Variants in ZNF414 observed in about 807,000 individuals in gnomAD.
ZNF414 encodes the protein zinc finger protein 414.
Under a neutral mutation model 38.3 loss-of-function variants are expected in ZNF414, and 32 were observed. The observed-to-expected ratio is 0.83, with a 90% CI of 0.63 to 1.12. The LOEUF (loss-of-function observed/expected upper bound fraction) is 1.12, where lower values mean the gene tolerates loss of function less well. ZNF414 is among the 50% of genes most tolerant of loss of function. The probability of loss-of-function intolerance (pLI) is 0.00; values close to 1 mark genes in which losing one functional copy is unlikely to be tolerated. For synonymous variants in ZNF414, 256 were observed against 248.0 expected (o/e 1.03, Z -0.30); for missense variants, 589 against 557.4 (o/e 1.06, Z -0.57).
rs1335877864 is a variant in ZNF414 at position 8,512,220 on chromosome 19, C to T, written c.530+167G>A. The stretch of plus-strand genomic sequence containing the variant: ...AAAGCCTGGCTGGGTGGGGCCACGC[C>T]CACGTATGCCCCGCCCCATCCAGGG... On this transcript the variant is annotated intron_variant, in intron 4 of 7. Transcript: ENST00000393927. The T allele has an allele frequency of 2.8e-6, 4 of 1,427,330 alleles. No homozygotes were observed. In the African/African-American group the frequency reaches 5.8e-5, roughly 21 times the overall value. The allele number at this position is 1,427,330 out of a possible 1,614,324, so 88.4% of individuals were successfully genotyped here. A position where few individuals can be genotyped will look rare whatever the true frequency, so the allele number is the denominator to read the frequency against.
rs1005062884 is a variant in ZNF414, at chr19:8,510,535, G to T, written c.*156C>A. On this transcript the variant is annotated 3_prime_UTR_variant, in exon 8 of 8. Coordinates refer to ENST00000393927, the MANE Select transcript of ZNF414 (RefSeq NM_001146175.2). ...TGATCAATCCATGACTGCTGGGCTC[G>T]AGCCCACTATGCTTTGGATGGACAA... 4.7e-6 allele frequency: 4 copies of T among 846,194 alleles called. No individual in the cohort carries two copies. The highest frequency in any genetic ancestry group is 6.9e-6 in the Non-Finnish European group (4 of 576,768). The allele number at this position is 846,194 out of a possible 1,614,324, so 52.4% of individuals were successfully genotyped here.
chr19:8,511,201 C>G (rs960862547), intron 6 of ZNF414, 177 bp from the exon 7 acceptor site: 1 of 1,316,222 alleles, frequency 7.6e-7, no homozygotes. Context: ...GGGCACCCAA[C>G]TTGGCTTCTC....
At chr19:8,511,422 C>A (rs774534060) in intron 6 of ZNF414, 64 bp downstream of exon 6, 1 of 1,576,306 alleles carries the variant, frequency 6.3e-7, no homozygotes, top group African/African-American at 1.3e-5. Context: ...TGGTATCCAC[C>A]AGACCCCGCA....
intron 6 of ZNF414, 85 bp downstream of exon 6, chr19:8,511,401 C>A: frequency 1.3e-6 from 2 of 1,549,690 alleles, no homozygotes; most frequent in South Asian, 1.2e-5. Flanking sequence ...GGGATGAGCA[C>A]TGCTGCCTCC....
chr19:8,513,596 T>C (rs540259352), intron 1 of ZNF414, among the ~76,000 whole-genome samples: 13 of 152,220 alleles, frequency 8.5e-5, no homozygotes, highest in Admixed American at 6.5e-4. Flanking sequence ...CTGGCCCGGA[T>C]TGAGCTCCTT....
chr19:8,511,991 G>C, intron 4 of ZNF414, 31 bp from the exon 5 acceptor site: 1 of 1,401,878 alleles, frequency 7.1e-7, no homozygotes, highest in Non-Finnish European at 9.2e-7. Context: ...GGGCTGGGCT[G>C]GGCCTCCAGG....
Position 8,510,676 on chromosome 19 carries a change from C to A in ZNF414, c.*15G>T. 6.5e-7 allele frequency: 1 copy of A among 1,541,032 alleles called. No homozygotes were observed. Among genetic ancestry groups the A allele is most frequent in the Non-Finnish European group, 8.8e-7 (1 of 1,140,648 alleles). Reference sequence around the variant, plus strand: ...ACTACCCACATCCCATGGCCCACCCCCAAAGCGGCGGGATTCAGAGCTGCG... The same window carrying A: ...ACTACCCACATCCCATGGCCCACCCACAAAGCGGCGGGATTCAGAGCTGCG... On this transcript the variant is annotated 3_prime_UTR_variant, in exon 8 of 8. Coordinates refer to ENST00000393927, the MANE Select transcript of ZNF414 (RefSeq NM_001146175.2).
At chr19:8,513,396 G>T in intron 1 of ZNF414, 55 bp from the exon 2 acceptor site, 1 of 1,490,172 alleles carries the variant, frequency 6.7e-7, no homozygotes. Flanking sequence ...CAACCCAGTC[G>T]GCCCCCATCC....
Position 8,513,142 on chromosome 19 carries a change from G to A in ZNF414, c.203C>T (p.Ser68Phe), listed in dbSNP as rs909693416. ...CTGGCAGCTGTCTGGGGCTGGGGAG[G>A]AGCCCTGCTGCATCCCTCCAGCCCC... ...RGGAGGMQQGSSPAPDSCQPG... is the reference protein window; with the variant it reads ...RGGAGGMQQGFSPAPDSCQPG... Residue 68 changes from serine (S) to phenylalanine (F), a missense_variant, in exon 2 of 8, where the codon TCC (serine) becomes TTC (phenylalanine). By Grantham distance (155) the Ser-to-Phe change is radical. Coordinates refer to ENST00000393927, the MANE Select transcript of ZNF414 (RefSeq NM_001146175.2). 4.5e-6 allele frequency: 7 copies of A among 1,543,432 alleles called. No homozygotes were observed. The highest frequency in any genetic ancestry group is 2.0e-5 in the Admixed American group (1 of 50,406).
rs1971954541 is a variant in ZNF414, at chr19:8,513,958, T to C, written c.3+86A>G. On this transcript the variant is annotated intron_variant, in intron 1 of 7. Transcript: ENST00000393927. ...CGGGTGCCCGGATGTGGGGGCGGGG[T>C]CGGCCGGAGGCTGTAGGCGCGACAG... 2.3e-6 allele frequency: 3 copies of C among 1,305,590 alleles called. No homozygotes were observed. The African/African-American group carries it at 4.7e-5, about 20-fold the overall frequency. 80.9% of individuals were successfully genotyped at this position (1,305,590 alleles called of 1,614,324 possible). A position where few individuals can be genotyped will look rare whatever the true frequency, so the allele number is the denominator to read the frequency against.
At position 8,513,235 on chromosome 19, in the gene ZNF414, G is replaced by A; in HGVS notation, c.110C>T (p.Pro37Leu). Residue 37 changes from proline (P) to leucine (L), a missense_variant, in exon 2 of 8, where the codon CCT becomes CTT. By Grantham distance (98) the Pro-to-Leu change is moderately conservative. Coordinates refer to ENST00000393927, the MANE Select transcript of ZNF414 (RefSeq NM_001146175.2). The stretch of plus-strand genomic sequence containing the variant: ...TGGCTCCTCCGACATGGAGGAGGAA[G>A]GGGCTGCAGCTGGCACAGCCGGGGA... ...VLSPAVPAAA[P>L]SSSMSEEPGP... The A allele has an allele frequency of 1.3e-6, 2 of 1,586,994 alleles. No homozygotes were observed. The highest frequency in any genetic ancestry group is 2.3e-5 in the South Asian group (2 of 88,816).
chr19:8,512,828 A>G, intron 2 of ZNF414, 117 bp from the exon 3 acceptor site: 2 of 1,185,588 alleles, frequency 1.7e-6, no homozygotes, highest in South Asian at 3.3e-5. Flanking sequence ...CTCTCTGCCT[A>G]CCACAACAGA....
chr19:8,511,245 TG>T (rs1490791387), intron 6 of ZNF414: 1 of 1,372,542 alleles, frequency 7.3e-7, no homozygotes, highest in Admixed American at 3.4e-5. Context: ...GATTCACTGT[TG>T]GGGAGAAGCC....
rs1971940956 is a variant in ZNF414, at chr19:8,513,099, G to A, written c.246C>T (p.Ser82=). The change falls in exon 2 of 8, where the codon AGC becomes AGT. Residue 82 remains serine, a synonymous_variant. Transcript: ENST00000393927. Reference sequence around the variant, plus strand: ...CGGAGACTATGCTGGTCAGGCCAGGGCTGGGTCCGGGGCCAGGCTGGCAGC... The same window carrying A: ...CGGAGACTATGCTGGTCAGGCCAGGACTGGGTCCGGGGCCAGGCTGGCAGC... ...PDSCQPGPGP[S]PGLTSIVSGT... is the part of the protein sequence containing the mutation. 1.3e-6 allele frequency: 2 copies of A among 1,533,342 alleles called. No homozygotes were observed. Among genetic ancestry groups the A allele is most frequent in the Non-Finnish European group, 8.8e-7 (1 of 1,142,130 alleles). 95.0% of individuals were successfully genotyped at this position (1,533,342 alleles called of 1,614,324 possible).
intron 2 of ZNF414, 89 bp from the exon 3 acceptor site, chr19:8,512,800 G>C (rs1971936944): frequency 6.2e-6 from 8 of 1,285,804 alleles, no homozygotes; most frequent in Non-Finnish European, 8.4e-6. Context: ...AAGCAAATAT[G>C]ATGTGCTGGG....
In ZNF414 at chr19:8,511,513, G is replaced by C. The variant is rs1971913420; in HGVS notation, c.898C>G (p.Pro300Ala). 6.2e-7 allele frequency: 1 copy of C among 1,605,834 alleles called. No individual in the cohort carries two copies. Among genetic ancestry groups the C allele is most frequent in the Admixed American group, 1.7e-5 (1 of 58,518 alleles). The change falls in exon 6 of 8, where the codon CCC (proline) becomes GCC (alanine). Residue 300 changes from proline to alanine, a missense_variant. Physicochemically the swap from Pro to Ala is conservative, Grantham distance 27 (BLOSUM62 -1). Transcript: ENST00000393927. ...SQGAGSSPRR[P>A]QGGSDAPSGH... ...GAGGGCGCGTCGGAGCCGCCCTGGG[G>C]TCTTCGGGGGCTGCTGCCAGCACCT... is the stretch of plus-strand genomic sequence containing the variant.
rs953004640 is a variant in ZNF414 at position 8,512,102 on chromosome 19, C to T, written c.531-142G>A. ...CCCCGCTCCTGTACAACTGTGGCAG[C>T]GACCCTTCCTGACCACTTCGGGTGG... On this transcript the variant is annotated intron_variant, in intron 4 of 7. Coordinates refer to ENST00000393927, the MANE Select transcript of ZNF414 (RefSeq NM_001146175.2). 4 of 1,416,264 alleles carry T rather than the reference C, an allele frequency of 2.8e-6. No homozygotes were observed. In the Admixed American group the frequency reaches 1.2e-4, roughly 43 times the overall value. The allele number at this position is 1,416,264 out of a possible 1,614,324, so 87.7% of individuals were successfully genotyped here.
chr19:8,511,067 C>T, intron 6 of ZNF414, 43 bp from the exon 7 acceptor site: 1 of 1,285,364 alleles, frequency 7.8e-7, no homozygotes, highest in Non-Finnish European at 9.8e-7. Flanking sequence ...CTCCCCCAGC[C>T]CAGAAGACCC....
At position 8,510,499 on chromosome 19, in the gene ZNF414, C is replaced by A; in HGVS notation, c.*192G>T. 1.9e-6 allele frequency: 1 copy of A among 520,794 alleles called. No homozygotes were observed. The highest frequency in any genetic ancestry group is 3.1e-6 in the Non-Finnish European group (1 of 318,572). The allele number at this position is 520,794 out of a possible 1,614,324, so 32.3% of individuals were successfully genotyped here. ...CCTGCACCTGTGGACCCAGGTGGTC[C>A]TCCCAAGATGTGATCAATCCATGAC... On this transcript the variant is annotated 3_prime_UTR_variant, in exon 8 of 8. Coordinates refer to ENST00000393927, the MANE Select transcript of ZNF414 (RefSeq NM_001146175.2).
Sources: gnomAD v4.1 joint callset for allele counts (sites outside exome capture counted in the v4.1 genomes callset) on GRCh38, gnomAD v4.1.1 for gene constraint, MANE v1.5 for transcripts, NCBI Gene and HGNC (gene_info 2026-07-23, HGNC 2026-07-21) for gene names.